Variants in OLFM1 observed in about 807,000 individuals in gnomAD.
The protein encoded by OLFM1 is noelin.
Under a neutral mutation model 49.7 loss-of-function variants are expected in OLFM1, and 9 were observed. The ratio of observed to expected loss-of-function variants is 0.18; its 90% CI spans 0.11 to 0.32. The LOEUF (loss-of-function observed/expected upper bound fraction) is 0.32. Among genes scored for constraint, OLFM1 ranks in the 10% least tolerant of loss-of-function variants. The pLI, the probability that OLFM1 is intolerant of heterozygous loss-of-function variation, is 1.00. For synonymous variants in OLFM1, 240 were observed against 271.8 expected (o/e 0.88, Z 1.15); for missense variants, 369 against 661.8 (o/e 0.56, Z 4.85).
At chr9:135,094,916 C>T (rs966686882) in intron 2 of OLFM1, 3 of 152,164 alleles carry the variant, frequency 2.0e-5, no homozygotes, top group African/African-American at 7.2e-5. Context: ...GTAACTTCCT[C>T]TCTAGTAATT....
At chr9:135,076,224 G>A (rs756160675) in intron 1 of OLFM1, 8 of 1,550,614 alleles carry the variant, frequency 5.2e-6, no homozygotes, top group Non-Finnish European at 7.0e-6. Context: ...ACACCCCTGA[G>A]TGGCTCATCC....
At position 135,098,487 on chromosome 9, in the gene OLFM1, G is replaced by T. The variant is rs1233253582; in HGVS notation, c.658G>T (p.Ala220Ser). Residue 220 changes from alanine to serine, a missense_variant, in exon 4 of 6, where the codon GCA (alanine) becomes TCA (serine). Ala to Ser is a moderately conservative substitution (Grantham distance 99). Around this residue, in one of 3 missense-constraint regions of OLFM1, gnomAD observed 294 missense variants for 567.5 expected, o/e 0.52. Transcript: ENST00000371793. The surrounding 1 kb of genome is among the most constrained non-coding windows in gnomAD (Gnocchi z 5.6). ...GTCCAATCTTGAAGAAAGGCTCCGT[G>T]CATGCATGCAAAAACTAGGTAGGCC... ...RVSNLEERLR[A>S]CMQKLACGKL... The T allele has an allele frequency of 1.2e-6, 2 of 1,613,638 alleles. No homozygotes were observed. Among genetic ancestry groups the T allele is most frequent in the Non-Finnish European group, 1.7e-6 (2 of 1,179,992 alleles).
upstream of OLFM1, among the ~76,000 whole-genome samples, chr9:135,085,106 G>C (rs1053708434): frequency 6.6e-6 from 1 of 152,206 alleles, no homozygotes; most frequent in African/African-American, 2.4e-5. Flanking sequence ...GTCCACCAAG[G>C]TCAAGGCCTG....
chr9:135,095,660 T>A (rs573854316), intron 2 of OLFM1, among the ~76,000 whole-genome samples: 2 of 152,278 alleles, frequency 1.3e-5, no homozygotes, highest in African/African-American at 4.8e-5. Context: ...AGAAAATGTT[T>A]ACCCAACCAA....
intron 1 of OLFM1, among the ~76,000 whole-genome samples, chr9:135,079,239 T>G (rs1037730858): frequency 6.6e-6 from 1 of 152,148 alleles, no homozygotes; most frequent in African/African-American, 2.4e-5. Flanking sequence ...AGTTCTGTTT[T>G]GGAAGCTGGA....
intron 4 of OLFM1, among the ~76,000 whole-genome samples, chr9:135,102,774 G>C (rs79638183): frequency 0.036 from 5,557 of 152,292 alleles, 189 homozygotes; most frequent in African/African-American, 0.087. Flanking sequence ...GTGACCAAGG[G>C]AGATAGGCTC....
chr9:135,076,504 C>T (rs1830468129), intron 1 of OLFM1: 2 of 1,314,758 alleles, frequency 1.5e-6, no homozygotes, highest in South Asian at 1.6e-5. Flanking sequence ...TGGTATTCTC[C>T]ATTTTAAAGA....
At chr9:135,078,439 G>A (rs1212480611) in intron 1 of OLFM1, among the ~76,000 whole-genome samples, 2 of 152,136 alleles carry the variant, frequency 1.3e-5, no homozygotes, top group African/African-American at 2.4e-5. Context: ...AGCACATGGC[G>A]GGGCCATCTG....
Position 135,098,104 on chromosome 9 carries a change from A to G in OLFM1, c.457-182A>G. The G allele has an allele frequency of 2.8e-6, 4 of 1,432,850 alleles. No homozygotes were observed. The highest frequency in any genetic ancestry group is 5.0e-5 in the East Asian group (2 of 40,036). The allele number at this position is 1,432,850 out of a possible 1,614,324, so 88.8% of individuals were successfully genotyped here. A position where few individuals can be genotyped will look rare whatever the true frequency, so the allele number is the denominator to read the frequency against. ...AACTGACAATAAAGACCTTTCCCAAATATGCTGGTGTTCTGAGGACTGTTT... is the reference window on the plus strand; with the variant it reads ...AACTGACAATAAAGACCTTTCCCAAGTATGCTGGTGTTCTGAGGACTGTTT... On this transcript the variant is annotated intron_variant, in intron 3 of 5. Coordinates refer to ENST00000371793, the MANE Select transcript of OLFM1 (RefSeq NM_001282611.2). This position sits in a 1 kb window ranked among gnomAD's most constrained non-coding sequence, Gnocchi z 5.6.
In OLFM1 at chr9:135,113,744, C is replaced by T. The variant is rs942329136; in HGVS notation, c.784-5760C>T. On this transcript the variant is annotated intron_variant, in intron 5 of 5. Transcript: ENST00000371793. The surrounding 1 kb of genome is among the most constrained non-coding windows in gnomAD (Gnocchi z 4.0). ...CAGTGAGGCGGCAAGGCCTCCCCTC[C>T]GGGCTCACGGTCAGGTGGGAGACAC... Among the ~76,000 whole-genome samples, 8 of 152,210 alleles carry T rather than the reference C, an allele frequency of 5.3e-5. No homozygotes were observed. The highest frequency in any genetic ancestry group is 1.9e-4 in the East Asian group (1 of 5,180).
At position 135,102,757 on chromosome 9, in the gene OLFM1, A is replaced by G. The variant is rs532818295; in HGVS notation, c.677-3992A>G. Reference sequence around the variant, plus strand: ...TAAGTCTTCCCGGATTGCAGGAGGTAAAAGCTGTGACCAAGGGAGATAGGC... The same window carrying G: ...TAAGTCTTCCCGGATTGCAGGAGGTGAAAGCTGTGACCAAGGGAGATAGGC... On this transcript the variant is annotated intron_variant, in intron 4 of 5. Transcript: ENST00000371793. Among the ~76,000 whole-genome samples the G allele has an allele frequency of 2.0e-5, 3 of 152,306 alleles. No individual in the cohort carries two copies. The South Asian group carries it at 6.2e-4, about 32-fold the overall frequency.
rs144481609 is a variant in OLFM1 at position 135,093,911 on chromosome 9, C to G, written c.301-1953C>G. Among the ~76,000 whole-genome samples the G allele has an allele frequency of 5.3e-3, 801 of 152,320 alleles. 5 individuals carry two copies. Among genetic ancestry groups the G allele is most frequent in the African/African-American group, 0.015 (642 of 41,562 alleles). Reference sequence around the variant, plus strand: ...GAGTAATTGTTTGGTTTTAAGGCAGCTGAATAGCTTGGTATCTTTAAAATT... The same window carrying G: ...GAGTAATTGTTTGGTTTTAAGGCAGGTGAATAGCTTGGTATCTTTAAAATT... On this transcript the variant is annotated intron_variant, in intron 2 of 5. Transcript: ENST00000371793.
upstream of OLFM1, among the ~76,000 whole-genome samples, chr9:135,086,185 G>T (rs1202054573): frequency 6.6e-6 from 1 of 152,184 alleles, no homozygotes; most frequent in East Asian, 1.9e-4. Flanking sequence ...TTGTGTCTCC[G>T]CCTGGGCCCA....
At chr9:135,114,408 C>T (rs866149980) in intron 5 of OLFM1, among the ~76,000 whole-genome samples, 9 of 152,222 alleles carry the variant, frequency 5.9e-5, no homozygotes, top group Admixed American at 1.3e-4. Context: ...AGCCCCCATG[C>T]CCAGCCGAGA....
intron 5 of OLFM1, among the ~76,000 whole-genome samples, chr9:135,119,116 C>A (rs1480216881): frequency 1.3e-5 from 2 of 150,570 alleles, no homozygotes. Flanking sequence ...GAAGTGCTCA[C>A]CGGGTCTTTG....
In OLFM1 at chr9:135,120,144, C is replaced by T; in HGVS notation, c.1424C>T (p.Thr475Ile). The change falls in exon 6 of 6, where the codon ACC (threonine) becomes ATC (isoleucine). Residue 475 changes from threonine to isoleucine, a missense_variant. Transcript: ENST00000371793. ...NNGHQILYNV[T>I]LFHVIRSDEL ...GGCCACCAGATCCTCTACAACGTGA[C>T]CCTCTTCCACGTCATCCGCTCCGAC... 6.2e-7 allele frequency: 1 copy of T among 1,613,632 alleles called. No individual in the cohort carries two copies. Among genetic ancestry groups the T allele is most frequent in the Non-Finnish European group, 8.5e-7 (1 of 1,179,784 alleles).
chr9:135,098,402 G>A lies in OLFM1; in HGVS notation c.573G>A (p.Val191=). Residue 191 remains valine, a synonymous_variant, in exon 4 of 6, where the codon GTG becomes GTA. Transcript: ENST00000371793. This position sits in a 1 kb window ranked among gnomAD's most constrained non-coding sequence, Gnocchi z 5.6. ...AGGAGGTCCAGAATCTGACGTCAGT[G>A]CTTAACGAGCTGCAAGAGGAAATTG... ...FKEEVQNLTS[V]LNELQEEIGA... 1 of 1,613,962 alleles carries A rather than the reference G, an allele frequency of 6.2e-7. No homozygotes were observed. The highest frequency in any genetic ancestry group is 8.5e-7 in the Non-Finnish European group (1 of 1,180,044).
chr9:135,112,429 G>A (rs1831036187), intron 5 of OLFM1, among the ~76,000 whole-genome samples: 4 of 152,222 alleles, frequency 2.6e-5, no homozygotes, highest in Admixed American at 2.0e-4. Flanking sequence ...ATTTTTGCGT[G>A]GAGCCATGGC....
In OLFM1 at chr9:135,096,197, CTCCCCCTCTTCA is replaced by C. The variant is rs1417745201; in HGVS notation, c.456+182_456+193del. On this transcript the variant is annotated intron_variant, in intron 3 of 5. Transcript: ENST00000371793. ...CCTTCTTCTCCTCCTCTTCCTCCTC[CTCCCCCTCTTCA>C]TCCTCCTCTTCCTCCTCCCTCTCCT... Among the ~76,000 whole-genome samples, 317 of 144,926 alleles carry C rather than the reference CTCCCCCTCTTCA, an allele frequency of 2.2e-3. 1 individual carries two copies. Among genetic ancestry groups the C allele is most frequent in the African/African-American group, 8.1e-3 (303 of 37,408 alleles).
Sources: gnomAD v4.1 joint callset for allele counts (sites outside exome capture counted in the v4.1 genomes callset) on GRCh38, gnomAD v4.1.1 for gene constraint, gnomAD v4.1.1 regional missense constraint, Gnocchi (gnomAD v3.1) non-coding constraint, MANE v1.5 for transcripts, NCBI Gene and HGNC (gene_info 2026-07-23, HGNC 2026-07-21) for gene names.